GALNTL6: variants seen among roughly 807,000 people sequenced by gnomAD.
GALNTL6 encodes the protein polypeptide N-acetylgalactosaminyltransferase like 6.
A neutral mutation model predicts 73.7 loss-of-function variants in GALNTL6; 46 were observed. The observed-to-expected ratio is 0.62, with a 90% CI of 0.49 to 0.80. The LOEUF (loss-of-function observed/expected upper bound fraction) is 0.80, where lower values mean the gene tolerates loss of function less well. GALNTL6 is among the 30% of genes least tolerant of loss of function. GALNTL6 has a pLI of 0.00. For synonymous variants in GALNTL6, 259 were observed against 263.7 expected (o/e 0.98, Z 0.17); for missense variants, 604 against 755.0 (o/e 0.80, Z 2.34).
intron 2 of GALNTL6, among the ~76,000 whole-genome samples, chr4:171,854,608 T>G (rs565816880): frequency 8.9e-4 from 135 of 152,290 alleles, no homozygotes; most frequent in Non-Finnish European, 1.6e-3. Context: ...ATGGACTAGA[T>G]TACATATAAA....
intron 2 of GALNTL6, among the ~76,000 whole-genome samples, chr4:171,843,643 T>C (rs1261160194): frequency 6.6e-6 from 1 of 152,108 alleles, no homozygotes; most frequent in Non-Finnish European, 1.5e-5. Flanking sequence ...TCTCCCCATA[T>C]TGTGTGTGCA....
chr4:173,035,546 T>G (rs1344577220), intron 12 of GALNTL6, among the ~76,000 whole-genome samples: 2 of 152,196 alleles, frequency 1.3e-5, no homozygotes, highest in Non-Finnish European at 2.9e-5. Context: ...CCTCTTAGGT[T>G]ATCTTTCCAT....
intron 5 of GALNTL6, among the ~76,000 whole-genome samples, chr4:172,606,973 A>T (rs1738328500): frequency 6.6e-6 from 1 of 151,726 alleles, no homozygotes; most frequent in Admixed American, 6.6e-5. Context: ...AGATGAAGAA[A>T]CTGTGGTTAC....
At chr4:172,090,641 G>A (rs1011573069) in intron 2 of GALNTL6, among the ~76,000 whole-genome samples, 4 of 152,016 alleles carry the variant, frequency 2.6e-5, no homozygotes, top group Admixed American at 1.3e-4. Flanking sequence ...CCATTCTGTA[G>A]GTTGCCTGTT....
chr4:171,933,699 TTTAA>T (rs1738257118), intron 2 of GALNTL6, among the ~76,000 whole-genome samples: 1 of 151,548 alleles, frequency 6.6e-6, no homozygotes, highest in Non-Finnish European at 1.5e-5. Flanking sequence ...CAAGAATTAT[TTTAA>T]TTATTTTACT....
chr4:172,931,108 C>A (rs550254341), intron 8 of GALNTL6, 53 bp from the exon 9 acceptor site: 3 of 956,492 alleles, frequency 3.1e-6, no homozygotes, highest in Non-Finnish European at 5.2e-6. Context: ...ACTGATTATT[C>A]CTTTCTTGTG....
At chr4:172,801,518 A>C (rs1030074448) in intron 5 of GALNTL6, among the ~76,000 whole-genome samples, 1 of 152,118 alleles carries the variant, frequency 6.6e-6, no homozygotes, top group African/African-American at 2.4e-5. Flanking sequence ...TATTGCCCAC[A>C]TAACTTTGAT....
chr4:172,938,266 G>A (rs778541860), intron 9 of GALNTL6, among the ~76,000 whole-genome samples: 3 of 152,126 alleles, frequency 2.0e-5, no homozygotes, highest in Non-Finnish European at 4.4e-5. Context: ...GAAAATGATG[G>A]AGGTTGGGAG....
chr4:172,576,458 G>T (rs973078909), intron 5 of GALNTL6, among the ~76,000 whole-genome samples: 4 of 152,150 alleles, frequency 2.6e-5, no homozygotes, highest in Non-Finnish European at 5.9e-5. Context: ...TGGGTCTAAG[G>T]GTTGTTTGAA....
intron 3 of GALNTL6, among the ~76,000 whole-genome samples, chr4:172,296,915 C>A (rs1216600914): frequency 6.6e-6 from 1 of 152,148 alleles, no homozygotes; most frequent in African/African-American, 2.4e-5. Flanking sequence ...ATTTCTAGTT[C>A]TAGATCCCTG....
chr4:172,411,999 G>A (rs1339645638), intron 5 of GALNTL6, among the ~76,000 whole-genome samples: 1 of 151,730 alleles, frequency 6.6e-6, no homozygotes, highest in East Asian at 1.9e-4. Context: ...AAGGAGTGGA[G>A]CACTGGAAAT....
At chr4:172,631,831 G>T (rs1249588614) in intron 5 of GALNTL6, among the ~76,000 whole-genome samples, 1 of 152,150 alleles carries the variant, frequency 6.6e-6, no homozygotes, top group Non-Finnish European at 1.5e-5. Context: ...GTACTGAAAA[G>T]TTTTGAAAAT....
intron 2 of GALNTL6, among the ~76,000 whole-genome samples, chr4:172,215,362 G>A (rs1736463049): frequency 6.6e-6 from 1 of 152,090 alleles, no homozygotes; most frequent in Admixed American, 6.5e-5. Context: ...GTTTCCAACT[G>A]TAGCAATGGA....
intron 2 of GALNTL6, among the ~76,000 whole-genome samples, chr4:171,960,306 T>C (rs576145448): frequency 1.3e-5 from 2 of 152,272 alleles, no homozygotes; most frequent in South Asian, 4.2e-4. Flanking sequence ...AGATGGAGTC[T>C]TACTCTGTTG....
intron 8 of GALNTL6, among the ~76,000 whole-genome samples, chr4:172,924,861 GT>G (rs1004674014): frequency 1.1e-4 from 17 of 151,952 alleles, no homozygotes; most frequent in Non-Finnish European, 2.1e-4. Context: ...TCAGATTTAT[GT>G]TTTTTACTGT....
At position 172,131,136 on chromosome 4, in the gene GALNTL6, T is replaced by C. The variant is rs565600009; in HGVS notation, c.139-98520T>C. ...GGCTTTTGTCAAAGAAGATTTAATT[T>C]TAAAGAAAATATATGTAAGTACTGG... is the stretch of plus-strand genomic sequence containing the variant. On this transcript the variant is annotated intron_variant, in intron 2 of 12. Coordinates refer to ENST00000506823, the MANE Select transcript of GALNTL6 (RefSeq NM_001034845.3). Among the ~76,000 whole-genome samples, 6 of 151,954 alleles carry C rather than the reference T, an allele frequency of 3.9e-5. No individual in the cohort carries two copies. In the South Asian group the frequency reaches 1.2e-3, roughly 31 times the overall value.
At position 171,888,507 on chromosome 4, in the gene GALNTL6, T is replaced by C. The variant is rs183863158; in HGVS notation, c.138+73789T>C. On this transcript the variant is annotated intron_variant, in intron 2 of 12. Transcript: ENST00000506823. ...GAAGGACTCCTCAGTTAGACTCTTT[T>C]TGGGAATGCTTGTCAAACAGAAACT... Among the ~76,000 whole-genome samples, 7 of 152,050 alleles carry C rather than the reference T, an allele frequency of 4.6e-5. No individual in the cohort carries two copies. In the East Asian group the frequency reaches 1.4e-3, roughly 29 times the overall value.
rs199504684 is a variant in GALNTL6 at position 172,623,351 on chromosome 4, GATC to G, written c.554-186007_554-186005del. Among the ~76,000 whole-genome samples the G allele has an allele frequency of 1.2e-3, 181 of 151,994 alleles. 2 individuals are homozygous for G. In the East Asian group the frequency reaches 0.033, roughly 28 times the overall value. ...TTTAAACTACAGATGTCGATTATGTGATCATATGTATATAATTTTAAATAAAAA... is the reference window on the plus strand; with the variant it reads ...TTTAAACTACAGATGTCGATTATGTGATATGTATATAATTTTAAATAAAAA... On this transcript the variant is annotated intron_variant, in intron 5 of 12. Coordinates refer to ENST00000506823, the MANE Select transcript of GALNTL6 (RefSeq NM_001034845.3).
At chr4:172,743,052 TA>T (rs1394356634) in intron 5 of GALNTL6, among the ~76,000 whole-genome samples, 1 of 152,062 alleles carries the variant, frequency 6.6e-6, no homozygotes, top group South Asian at 2.1e-4. Context: ...ACTCAATCTT[TA>T]AGAAGCCTCA....
Sources: allele counts gnomAD v4.1 joint callset (sites outside exome capture counted in the v4.1 genomes callset), GRCh38; gene constraint gnomAD v4.1.1; transcripts MANE v1.5; gene names NCBI Gene and HGNC (gene_info 2026-07-23, HGNC 2026-07-21).